Variants in CPQ observed in about 807,000 individuals in gnomAD.
CPQ encodes the protein Ser-Met dipeptidase.
In CPQ, 37 loss-of-function variants were observed where a neutral mutation model predicts 45.7. That is an observed-to-expected ratio of 0.81 (90% CI 0.62 to 1.07). CPQ has a LOEUF of 1.07. CPQ is among the 50% of genes least tolerant of loss of function. CPQ has a pLI of 0.00. For missense variants in CPQ, 537 were observed against 572.9 expected (o/e 0.94, Z 0.64); for synonymous variants, 186 against 205.8 (o/e 0.90, Z 0.82).
intron 7 of CPQ, among the ~76,000 whole-genome samples, chr8:97,137,473 A>G (rs1315973361): frequency 6.6e-6 from 1 of 152,144 alleles, no homozygotes; most frequent in Non-Finnish European, 1.5e-5. Flanking sequence ...TTGTACATGA[A>G]TTTGACATTC....
At chr8:96,666,272 C>G (rs1808923885) in intron 1 of CPQ, among the ~76,000 whole-genome samples, 1 of 152,206 alleles carries the variant, frequency 6.6e-6, no homozygotes, top group African/African-American at 2.4e-5. Context: ...TGGCTAGTTT[C>G]TGTATGAAAG....
At chr8:96,665,395 G>C (rs1004614917) in intron 1 of CPQ, among the ~76,000 whole-genome samples, 2 of 152,198 alleles carry the variant, frequency 1.3e-5, no homozygotes, top group Non-Finnish European at 2.9e-5. Flanking sequence ...AATGTCAAGA[G>C]AACAGAATGA....
chr8:96,995,759 A>G (rs1164592890), intron 5 of CPQ, among the ~76,000 whole-genome samples: 3 of 151,646 alleles, frequency 2.0e-5, no homozygotes, highest in Non-Finnish European at 4.4e-5. Context: ...TGTTATACAG[A>G]TTATTTCATC....
rs199722608 is a variant in CPQ at position 96,879,807 on chromosome 8, A to C, written c.651A>C (p.Thr217=). ...VASFSIYSPH[T]GIQEYQDGVP... is the part of the protein sequence containing the mutation. ...GGCTTCTTCTCTCAAGTCCTCACACAGGTATTCAGGAATACCAGGATGGCG... is the reference window on the plus strand; with the variant it reads ...GGCTTCTTCTCTCAAGTCCTCACACCGGTATTCAGGAATACCAGGATGGCG... The change falls in exon 4 of 8, where the codon ACA becomes ACC. Residue 217 remains threonine (T), a synonymous_variant. Coordinates refer to ENST00000220763, the MANE Select transcript of CPQ (RefSeq NM_016134.4). 2 of 1,613,534 alleles carry C rather than the reference A, an allele frequency of 1.2e-6. No individual in the cohort carries two copies. The highest frequency in any genetic ancestry group is 2.7e-5 in the African/African-American group (2 of 75,038).
Position 96,908,747 on chromosome 8 carries a change from GCACACACACA to G in CPQ, c.849+28764_849+28773del, listed in dbSNP as rs34425501. Among the ~76,000 whole-genome samples the G allele has an allele frequency of 4.3e-4, 61 of 141,016 alleles. 1 individual carries two copies. The highest frequency in any genetic ancestry group is 1.4e-3 in the Admixed American group (20 of 14,316). 92.5% of individuals were successfully genotyped at this position (141,016 alleles called of 152,430 possible). On this transcript the variant is annotated intron_variant, in intron 4 of 7. Coordinates refer to ENST00000220763, the MANE Select transcript of CPQ (RefSeq NM_016134.4). The stretch of plus-strand genomic sequence containing the variant: ...TCTCTTTTCAGTTTTATACACATGC[GCACACACACA>G]CACACACACACACACACACACCATA...
At chr8:96,781,933 A>G (rs948595876) in intron 1 of CPQ, among the ~76,000 whole-genome samples, 2 of 152,224 alleles carry the variant, frequency 1.3e-5, no homozygotes, top group Non-Finnish European at 2.9e-5. Context: ...AGCCTCAGAA[A>G]TAATTTTCTT....
rs572617235 is a variant in CPQ at position 96,784,147 on chromosome 8, C to CTATATAT, written c.-34-717_-34-716insTATATAT. Among the ~76,000 whole-genome samples the CTATATAT allele has an allele frequency of 1.4e-3, 217 of 152,242 alleles. 4 individuals carry two copies. Among genetic ancestry groups the CTATATAT allele is most frequent in the Admixed American group, 0.011 (168 of 15,278 alleles). On this transcript the variant is annotated intron_variant, in intron 1 of 7. Transcript: ENST00000220763. ...CATACTTAGTACAAGGTCTGACACACAGCATGCACTATATAAATGCTTCCT... is the reference window on the plus strand; with the variant it reads ...CATACTTAGTACAAGGTCTGACACACTATATATAGCATGCACTATATAAATGCTTCCT...
At chr8:96,685,878 G>A (rs2455045) in intron 1 of CPQ, among the ~76,000 whole-genome samples, 106,940 of 151,916 alleles carry the variant, frequency 0.7, 38,071 homozygotes, top group Middle Eastern at 0.82. Context: ...TTTTCCATTT[G>A]TTTAATTCTT....
intron 2 of CPQ, among the ~76,000 whole-genome samples, chr8:96,789,709 T>C (rs941995448): frequency 9.9e-5 from 15 of 152,204 alleles, no homozygotes; most frequent in African/African-American, 3.4e-4. Flanking sequence ...ATTACCAGAA[T>C]GCAAATAATT....
chr8:96,776,365 G>A (rs554911579), intron 1 of CPQ, among the ~76,000 whole-genome samples: 117 of 152,246 alleles, frequency 7.7e-4, no homozygotes, highest in African/African-American at 2.8e-3. Context: ...CAGGAATGGA[G>A]GGTTTAGGGG....
chr8:97,103,746 A>G (rs1048018944), intron 7 of CPQ, among the ~76,000 whole-genome samples: 2 of 152,192 alleles, frequency 1.3e-5, no homozygotes, highest in South Asian at 2.1e-4. Context: ...AATAAACAGT[A>G]TATTATCAAG....
At chr8:96,716,112 G>T (rs1249661829) in intron 1 of CPQ, among the ~76,000 whole-genome samples, 1 of 152,166 alleles carries the variant, frequency 6.6e-6, no homozygotes, top group Non-Finnish European at 1.5e-5. Context: ...CTAGGGTGAT[G>T]CAGGCAATGG....
At chr8:96,856,793 G>A (rs2130864351) in intron 3 of CPQ, among the ~76,000 whole-genome samples, 1 of 152,336 alleles carries the variant, frequency 6.6e-6, no homozygotes, top group East Asian at 1.9e-4. Flanking sequence ...GATGAAGAGA[G>A]TGGTTAAGGA....
intron 3 of CPQ, among the ~76,000 whole-genome samples, chr8:96,864,811 G>T (rs1037273949): frequency 1.3e-5 from 2 of 151,972 alleles, no homozygotes; most frequent in African/African-American, 4.8e-5. Flanking sequence ...GGAGGAATAG[G>T]ATGGGGGATG....
chr8:96,869,341 G>T (rs976406464), intron 3 of CPQ, among the ~76,000 whole-genome samples: 1 of 152,010 alleles, frequency 6.6e-6, no homozygotes, highest in Admixed American at 6.6e-5. Flanking sequence ...TAACTGAGCA[G>T]CCTACCATAG....
At chr8:96,837,185 G>A (rs780856475) in intron 3 of CPQ, among the ~76,000 whole-genome samples, 21 of 152,044 alleles carry the variant, frequency 1.4e-4, no homozygotes, top group Admixed American at 1.1e-3. Flanking sequence ...AAATAAAAAC[G>A]AAAATAAAAT....
chr8:96,888,905 G>A (rs1235757007), intron 4 of CPQ, among the ~76,000 whole-genome samples: 4 of 152,198 alleles, frequency 2.6e-5, no homozygotes, highest in Non-Finnish European at 5.9e-5. Context: ...ATTGGTATGT[G>A]TGAGGCACTA....
intron 6 of CPQ, among the ~76,000 whole-genome samples, chr8:97,062,848 C>T (rs1247071938): frequency 2.6e-5 from 4 of 152,152 alleles, no homozygotes; most frequent in Non-Finnish European, 5.9e-5. Context: ...TATATATGTA[C>T]CACATTTCCT....
At chr8:96,832,440 T>C (rs1379581050) in intron 2 of CPQ, among the ~76,000 whole-genome samples, 1 of 152,190 alleles carries the variant, frequency 6.6e-6, no homozygotes, top group Non-Finnish European at 1.5e-5. Flanking sequence ...GGGTGCTTAA[T>C]GACCAACTGG....
Sources: gnomAD v4.1 joint callset for allele counts (sites outside exome capture counted in the v4.1 genomes callset) on GRCh38, gnomAD v4.1.1 for gene constraint, MANE v1.5 for transcripts, NCBI Gene and HGNC (gene_info 2026-07-23, HGNC 2026-07-21) for gene names.